FRMD5: variants seen among roughly 807,000 people sequenced by gnomAD.
FRMD5 encodes the protein FERM domain containing 5.
A neutral mutation model predicts 69.0 loss-of-function variants in FRMD5; 20 were observed. The ratio of observed to expected loss-of-function variants is 0.29; its 90% CI spans 0.20 to 0.42. The LOEUF (loss-of-function observed/expected upper bound fraction) is 0.42. Among genes scored for constraint, FRMD5 ranks in the 10% least tolerant of loss-of-function variants. The probability of loss-of-function intolerance (pLI) is 1.00; values close to 1 mark genes in which losing one functional copy is unlikely to be tolerated. For missense variants in FRMD5, 595 were observed against 708.6 expected (o/e 0.84, Z 1.82); for synonymous variants, 271 against 260.1 (o/e 1.04, Z -0.40).
At chr15:43,989,563 T>C in intron 1 of FRMD5, 1 of 865,812 alleles carries the variant, frequency 1.2e-6, no homozygotes, top group African/African-American at 1.6e-5. Flanking sequence ...CATGCACAAT[T>C]TCCCGCTTGG....
At position 43,884,791 on chromosome 15, in the gene FRMD5, G is replaced by A; in HGVS notation, c.964C>T (p.Arg322Ter). 6.2e-7 allele frequency: 1 copy of A among 1,613,856 alleles called. No homozygotes were observed. Among genetic ancestry groups the A allele is most frequent in the Non-Finnish European group, 8.5e-7 (1 of 1,179,776 alleles). The change falls in exon 12 of 14, where the codon CGA (arginine) becomes TGA (stop). Residue 322 changes from arginine to a stop codon, truncating the protein, a stop_gained. Transcript: ENST00000417257. LOFTEE classifies it high-confidence loss of function. The part of the protein sequence containing the change: ...FKGSRFRYSG[R>*]VAKEVMESSA... ...GATTCCATGACTTCCTTTGCAACTC[G>A]GCCACTGTAAGTAGTGTAATAAAAA...
At chr15:43,896,474 A>G (rs188151411) in intron 7 of FRMD5, among the ~76,000 whole-genome samples, 299 of 152,372 alleles carry the variant, frequency 2.0e-3, no homozygotes, top group Admixed American at 4.8e-3. Flanking sequence ...ATGAACATGC[A>G]TTCCTTGTCA....
At chr15:44,039,401 A>G (rs1339580999) in intron 1 of FRMD5, among the ~76,000 whole-genome samples, 1 of 152,220 alleles carries the variant, frequency 6.6e-6, no homozygotes, top group Non-Finnish European at 1.5e-5. Context: ...GTAGGGGCCA[A>G]CAGACATCTC....
chr15:43,887,174 C>A (rs1440516092), intron 10 of FRMD5, among the ~76,000 whole-genome samples: 3 of 152,194 alleles, frequency 2.0e-5, no homozygotes, highest in Admixed American at 6.5e-5. Context: ...CCACATATGC[C>A]ATTCCCAGGG....
At chr15:44,198,662 C>T (rs1243868947), upstream of FRMD5, among the ~76,000 whole-genome samples, 3 of 152,218 alleles carry the variant, frequency 2.0e-5, no homozygotes, top group Non-Finnish European at 2.9e-5. Context: ...TGCATCACTG[C>T]ACTCCAGCCT....
intron 4 of FRMD5, among the ~76,000 whole-genome samples, chr15:43,915,832 G>A (rs1196028544): frequency 2.0e-5 from 3 of 152,146 alleles, no homozygotes; most frequent in Admixed American, 6.5e-5. Context: ...AATATTGCCT[G>A]GAAAAAACAC....
At chr15:44,118,847 C>T (rs942320445) in intron 1 of FRMD5, among the ~76,000 whole-genome samples, 1 of 152,340 alleles carries the variant, frequency 6.6e-6, no homozygotes, top group Admixed American at 6.5e-5. Context: ...GCAATCACTG[C>T]TCACTGCAGC....
chr15:44,109,855 C>T (rs760916400), intron 1 of FRMD5, among the ~76,000 whole-genome samples: 3 of 152,186 alleles, frequency 2.0e-5, no homozygotes, highest in Non-Finnish European at 4.4e-5. Context: ...TCATTACTGT[C>T]TCAATAGTTT....
chr15:44,161,597 T>C lies in FRMD5; in HGVS notation c.102+33356A>G, dbSNP rs145534065. ...CACATGCTCAATGTGTAATCATTGT[T>C]GTGATGCATGGTATTTAAACATGAT... On this transcript the variant is annotated intron_variant, in intron 1 of 13. Coordinates refer to ENST00000417257, the MANE Select transcript of FRMD5 (RefSeq NM_032892.5). Among the ~76,000 whole-genome samples the C allele has an allele frequency of 3.2e-3, 480 of 152,330 alleles. 3 individuals carry two copies. The highest frequency in any genetic ancestry group is 0.011 in the African/African-American group (449 of 41,566).
intron 5 of FRMD5, among the ~76,000 whole-genome samples, chr15:43,907,394 C>T (rs2089198805): frequency 6.6e-6 from 1 of 152,152 alleles, no homozygotes; most frequent in African/African-American, 2.4e-5. Flanking sequence ...TCTTTTGAGA[C>T]AGGGTCTCAC....
intron 1 of FRMD5, among the ~76,000 whole-genome samples, chr15:43,927,888 A>C (rs2089612251): frequency 6.6e-6 from 1 of 152,200 alleles, no homozygotes; most frequent in Non-Finnish European, 1.5e-5. Context: ...GATGGAAATC[A>C]TACAGACTTT....
intron 1 of FRMD5, among the ~76,000 whole-genome samples, chr15:44,183,169 G>A (rs1269928919): frequency 1.3e-5 from 2 of 152,084 alleles, no homozygotes; most frequent in African/African-American, 2.4e-5. Context: ...TGGGGAGGGA[G>A]TCTACCCTGG....
intron 4 of FRMD5, among the ~76,000 whole-genome samples, chr15:43,914,726 T>TTTTTTTTTTTTTTTTC (rs1566832412): frequency 1.5e-5 from 2 of 136,880 alleles, no homozygotes; most frequent in African/African-American, 6.3e-5. Flanking sequence ...TGACTACCTT[T>TTTTTTTTTTTTTTTTC]TTTTTTTTTT....
chr15:44,002,716 C>G (rs1890266398), intron 1 of FRMD5, among the ~76,000 whole-genome samples: 1 of 151,800 alleles, frequency 6.6e-6, no homozygotes, highest in Non-Finnish European at 1.5e-5. Context: ...GATAACATAA[C>G]CTATTAGGTC....
chr15:43,999,958 A>G lies in FRMD5; in HGVS notation c.103-75649T>C, dbSNP rs1353914660. Among the ~76,000 whole-genome samples the G allele has an allele frequency of 3.7e-3, 283 of 76,028 alleles. 11 individuals are homozygous for G. Among genetic ancestry groups the G allele is most frequent in the African/African-American group, 0.023 (269 of 11,942 alleles). 49.9% of individuals were successfully genotyped at this position (76,028 alleles called of 152,430 possible). On this transcript the variant is annotated intron_variant, in intron 1 of 13. Transcript: ENST00000417257. ...ATATATATATATATGCCATGCATAT[A>G]TATATATATATATATATATATATAT...
At chr15:44,193,425 C>T (rs1310393641) in intron 1 of FRMD5, among the ~76,000 whole-genome samples, 2 of 151,142 alleles carry the variant, frequency 1.3e-5, no homozygotes, top group African/African-American at 4.9e-5. Context: ...CATACCCCAG[C>T]AAAACAAAAA....
At chr15:43,928,274 T>C (rs949804862) in intron 1 of FRMD5, among the ~76,000 whole-genome samples, 1 of 152,222 alleles carries the variant, frequency 6.6e-6, no homozygotes, top group East Asian at 1.9e-4. Flanking sequence ...AGAAGCATCT[T>C]CCTTTGCTCT....
intron 1 of FRMD5, among the ~76,000 whole-genome samples, chr15:44,111,713 C>T (rs1252525675): frequency 6.6e-6 from 1 of 152,220 alleles, no homozygotes; most frequent in Non-Finnish European, 1.5e-5. Flanking sequence ...ACTCCTAGTA[C>T]TCTCTCCATT....
intron 1 of FRMD5, among the ~76,000 whole-genome samples, chr15:43,928,593 G>C (rs1225735902): frequency 1.3e-5 from 2 of 152,212 alleles, no homozygotes; most frequent in African/African-American, 4.8e-5. Context: ...GGATCCCCTT[G>C]CACTTCCTGA....
Sources: allele counts gnomAD v4.1 joint callset (sites outside exome capture counted in the v4.1 genomes callset), GRCh38; gene constraint gnomAD v4.1.1; transcripts MANE v1.5; gene names NCBI Gene and HGNC (gene_info 2026-07-23, HGNC 2026-07-21).